The following SHOX2 variants were observed in gnomAD, a reference collection of about 807,000 sequenced individuals.
SHOX2 encodes SHOX homeobox 2.
In SHOX2, 13 loss-of-function variants were observed where a neutral mutation model predicts 31.3. The observed-to-expected ratio is 0.42, with a 90% CI of 0.27 to 0.66. SHOX2 has a LOEUF of 0.66. SHOX2 is among the 30% of genes least tolerant of loss of function. The pLI is 0.27. For missense variants in SHOX2, 473 were observed against 443.0 expected (o/e 1.07, Z -0.61); for synonymous variants, 244 against 196.2 (o/e 1.24, Z -2.04).
rs777275408 is a variant in SHOX2 at position 158,102,855 on chromosome 3, A to G, written c.378T>C (p.Asp126=). The G allele has an allele frequency of 1.2e-6, 2 of 1,613,740 alleles. No homozygotes were observed. Among genetic ancestry groups the G allele is most frequent in the South Asian group, 2.2e-5 (2 of 91,064 alleles). The change falls in exon 2 of 5, where the codon GAT becomes GAC. Residue 126 remains aspartate, a synonymous_variant. Coordinates refer to ENST00000483851, the MANE Select transcript of SHOX2 (RefSeq NM_001163678.2). ...VSPELKDRKE[D]AKGMEDEGQT... is the part of the protein sequence containing the mutation. ...GGCCTTCGTCCTCCATCCCTTTCGC[A>G]TCCTCTTTGCGATCTTTCAGCTCCG...
chr3:158,102,606 G>A, intron 2 of SHOX2, 72 bp downstream of exon 2: 1 of 1,240,412 alleles, frequency 8.1e-7, no homozygotes, highest in Non-Finnish European at 1.2e-6. Flanking sequence ...TCCCGAGTGT[G>A]TCCCCCAAGC....
intron 1 of SHOX2, chr3:158,105,205 C>A (rs1404035405): frequency 9.5e-5 from 84 of 881,182 alleles, no homozygotes; most frequent in Non-Finnish European, 1.4e-4. Flanking sequence ...GGGGTCTTGG[C>A]GGCCCCAAAC....
In SHOX2 at chr3:158,105,845, G is replaced by GCCTCCT. The variant is rs1559899676; in HGVS notation, c.179_180insAGGAGG (p.Gly76_Gly77dup). On this transcript the variant is annotated inframe_insertion, in exon 1 of 5. Coordinates refer to ENST00000483851, the MANE Select transcript of SHOX2 (RefSeq NM_001163678.2). ...CTCCGCCTCCTCCGCCGCCGCCTCC[G>GCCTCCT]CCGGCCGCCCGGACTGCCGGGCTGC... The GCCTCCT allele has an allele frequency of 1.4e-6, 2 of 1,436,466 alleles. No homozygotes were observed. Among genetic ancestry groups the GCCTCCT allele is most frequent in the Admixed American group, 3.3e-5 (1 of 30,004 alleles). The allele number at this position is 1,436,466 out of a possible 1,614,324, so 89.0% of individuals were successfully genotyped here.
In SHOX2 at chr3:158,105,979, C is replaced by T. The variant is rs1364724571; in HGVS notation, c.46G>A (p.Val16Met). 1 of 1,613,236 alleles carries T rather than the reference C, an allele frequency of 6.2e-7. No homozygotes were observed. The highest frequency in any genetic ancestry group is 1.1e-5 in the South Asian group (1 of 91,080). ...AFVSKSFDQK[V>M]KEKKEAITYR... ...GTGATCGCCTCCTTCTTCTCCTTCA[C>T]TTTCTGGTCAAAAGACTTGGAGACG... Residue 16 changes from valine to methionine, a missense_variant, in exon 1 of 5, where the codon GTG becomes ATG. Transcript: ENST00000483851.
Position 158,106,146 on chromosome 3 carries a change from G to A in SHOX2, c.-122C>T. 2 of 1,426,902 alleles carry A rather than the reference G, an allele frequency of 1.4e-6. No individual in the cohort carries two copies. The highest frequency in any genetic ancestry group is 1.9e-6 in the Non-Finnish European group (2 of 1,062,430). The allele number at this position is 1,426,902 out of a possible 1,614,324, so 88.4% of individuals were successfully genotyped here. Reference sequence around the variant, plus strand: ...AACACATCAATGGGACAGGAGGTGGGGGAGGAGAGGGAGGAGGAGAAAGAA... The same window carrying A: ...AACACATCAATGGGACAGGAGGTGGAGGAGGAGAGGGAGGAGGAGAAAGAA... On this transcript the variant is annotated 5_prime_UTR_variant, in exon 1 of 5. Transcript: ENST00000483851.
intron 1 of SHOX2, chr3:158,103,667 C>CA (rs1157465820): frequency 1.3e-5 from 2 of 152,318 alleles, no homozygotes; most frequent in African/African-American, 4.8e-5. Context: ...GGCCAGAAGG[C>CA]AGGAGGCGGA....
intron 1 of SHOX2, chr3:158,105,040 C>CCCG: frequency 2.2e-6 from 1 of 456,020 alleles, no homozygotes; most frequent in Non-Finnish European, 4.2e-6. Flanking sequence ...CCGCCCCCCC[C>CCCG]CCCCGCCCCC....
chr3:158,102,153 CTG>C (rs1182782786), intron 2 of SHOX2, among the ~76,000 whole-genome samples: 1 of 152,238 alleles, frequency 6.6e-6, no homozygotes, highest in East Asian at 1.9e-4. Context: ...TAACAGCAGA[CTG>C]TAAATTTCTG....
intron 1 of SHOX2, chr3:158,105,033 C>CCCA: frequency 9.1e-5 from 1 of 10,930 alleles, no homozygotes; most frequent in Non-Finnish European, 2.0e-4. Context: ...TCCCCCGCCG[C>CCCA]CCCCCCCCCC....
intron 2 of SHOX2, among the ~76,000 whole-genome samples, chr3:158,102,408 G>C (rs982007611): frequency 6.6e-6 from 1 of 151,956 alleles, no homozygotes; most frequent in African/African-American, 2.4e-5. Context: ...CGAGGCAAGG[G>C]GGGTGTGGTT....
chr3:158,106,066 A>T lies in SHOX2; in HGVS notation c.-42T>A. ...CCCGGCGCTCAACCTCTGCCAGCAGAGCCCCGCTCTTTTTTTCCTTCTTCT... is the reference window on the plus strand; with the variant it reads ...CCCGGCGCTCAACCTCTGCCAGCAGTGCCCCGCTCTTTTTTTCCTTCTTCT... On this transcript the variant is annotated 5_prime_UTR_variant, in exon 1 of 5. Transcript: ENST00000483851. The T allele has an allele frequency of 1.9e-6, 3 of 1,609,058 alleles. No homozygotes were observed. Among genetic ancestry groups the T allele is most frequent in the Non-Finnish European group, 2.5e-6 (3 of 1,177,586 alleles).
chr3:158,098,152 C>CG lies in SHOX2; in HGVS notation c.834dup (p.Ala279ArgfsTer72). ...ACCGAGGCGGCGGAAGCCGAATCCG[C>CG]GGCCAGCGTGGCGAGCGGCAGTCCG... On this transcript the variant is annotated frameshift_variant, in exon 5 of 5. Transcript: ENST00000483851. LOFTEE classifies it high-confidence loss of function. 1 of 1,613,422 alleles carries CG rather than the reference C, an allele frequency of 6.2e-7. No individual in the cohort carries two copies. The highest frequency in any genetic ancestry group is 8.5e-7 in the Non-Finnish European group (1 of 1,179,650).
At chr3:158,104,387 C>A (rs1312275884) in intron 1 of SHOX2, among the ~76,000 whole-genome samples, 1 of 152,250 alleles carries the variant, frequency 6.6e-6, no homozygotes, top group African/African-American at 2.4e-5. Context: ...CTCGGCCCTG[C>A]CGGGCATTCT....
At chr3:158,105,620 C>T in intron 1 of SHOX2, 59 bp downstream of exon 1, 1 of 1,443,954 alleles carries the variant, frequency 6.9e-7, no homozygotes, top group Non-Finnish European at 9.3e-7. Flanking sequence ...CTCTCCCGCC[C>T]GAGAGGAGTC....
intron 1 of SHOX2, among the ~76,000 whole-genome samples, chr3:158,104,893 A>G (rs1484738737): frequency 6.6e-6 from 1 of 152,212 alleles, no homozygotes; most frequent in South Asian, 2.1e-4. Context: ...GAATTGGTAT[A>G]GAACGCTCTG....
rs1459674106 is a variant in SHOX2 at position 158,097,975 on chromosome 3, C to A, written c.*52G>T. 5.2e-6 allele frequency: 8 copies of A among 1,542,790 alleles called. No individual in the cohort carries two copies. In the Admixed American group the frequency reaches 1.4e-4, roughly 26 times the overall value. On this transcript the variant is annotated 3_prime_UTR_variant, in exon 5 of 5. Coordinates refer to ENST00000483851, the MANE Select transcript of SHOX2 (RefSeq NM_001163678.2). The stretch of plus-strand genomic sequence containing the variant: ...CGGAGAAGCAGCGGGGCGCGGAGGG[C>A]GTGCAGGCTGAGTGCCGCGGGACAG...
intron 1 of SHOX2, chr3:158,104,111 G>A (rs1332213515): frequency 2.6e-5 from 4 of 152,274 alleles, no homozygotes; most frequent in African/African-American, 9.6e-5. Context: ...AGGCCAGCAT[G>A]GGTGTTAAAA....
At chr3:158,105,601 C>G in intron 1 of SHOX2, 78 bp downstream of exon 1, 1 of 1,343,132 alleles carries the variant, frequency 7.4e-7, no homozygotes, top group South Asian at 1.3e-5. Context: ...CCCGCTGGGC[C>G]TCGGAGTCCT....
rs201444043 is a variant in SHOX2, at chr3:158,099,932, G to A, written c.630C>T (p.Ala210=). The change falls in exon 4 of 5, where the codon GCC becomes GCT. Residue 210 remains alanine, a synonymous_variant. Coordinates refer to ENST00000483851, the MANE Select transcript of SHOX2 (RefSeq NM_001163678.2). ...CTCTACAAGCTTCAAACTGGCTGGC[G>A]GCCCCTATGAGAACACCTGTAAAAA... ...NQLHKGVLIG[A]ASQFEACRVA... The A allele has an allele frequency of 2.0e-4, 316 of 1,614,046 alleles. 7 individuals carry two copies. The East Asian group carries it at 3.6e-3, about 18-fold the overall frequency.
Sources: allele counts gnomAD v4.1 joint callset (sites outside exome capture counted in the v4.1 genomes callset), GRCh38; gene constraint gnomAD v4.1.1; transcripts MANE v1.5; gene names NCBI Gene and HGNC (gene_info 2026-07-23, HGNC 2026-07-21).